Variants in FRK observed in about 807,000 individuals in gnomAD.
FRK encodes fyn related Src family tyrosine kinase, also known as tyrosine-protein kinase FRK.
In FRK, 51 loss-of-function variants were observed where a neutral mutation model predicts 56.4. That is an observed-to-expected ratio of 0.90 (90% CI 0.72 to 1.14). The LOEUF is 1.14. Among genes scored for constraint, FRK ranks in the 50% most tolerant of loss-of-function variants. The pLI is 0.00. For missense variants in FRK, 570 were observed against 601.4 expected, an observed-to-expected ratio of 0.95 and a Z score of 0.55; for synonymous variants, 245 against 217.9, an observed-to-expected ratio of 1.12 and a Z score of -1.10.
the FRK span, among the ~76,000 whole-genome samples, chr6:116,080,152 A>G: frequency 6.6e-6 from 1 of 152,074 alleles, no homozygotes; most frequent in African/African-American, 2.4e-5. Flanking sequence ...AAATCTAGGT[A>G]GAGAAAAAGC....
rs1240141905 is a variant in FRK at position 116,000,265 on chromosome 6, C to T, written c.466+3612G>A. Among the ~76,000 whole-genome samples, 16 of 50,540 alleles carry T rather than the reference C, an allele frequency of 3.2e-4. 2 individuals carry two copies. The highest frequency in any genetic ancestry group is 3.1e-3 in the Admixed American group (12 of 3,904). The allele number at this position is 50,540 out of a possible 152,430, so 33.2% of individuals were successfully genotyped here. On this transcript the variant is annotated intron_variant, in intron 2 of 7. Coordinates refer to ENST00000606080, the MANE Select transcript of FRK (RefSeq NM_002031.3). ...TTTTTTTTTTTTTTTTTTTTTGAGA[C>T]GGAGTCTCGCTCTGTCACCCAGGAT...
intron 1 of FRK, among the ~76,000 whole-genome samples, chr6:116,006,205 G>T (rs965365694): frequency 2.0e-5 from 3 of 152,076 alleles, no homozygotes; most frequent in Non-Finnish European, 4.4e-5. Context: ...ATTGGCATAG[G>T]ATATGATGAT....
At chr6:116,062,703 G>A (rs1234417054), upstream of FRK, among the ~76,000 whole-genome samples, 17 of 152,184 alleles carry the variant, frequency 1.1e-4, no homozygotes. Flanking sequence ...AAGATGTCAG[G>A]TGAGCAATGG....
the FRK span, among the ~76,000 whole-genome samples, chr6:116,070,210 C>T: frequency 6.6e-6 from 1 of 151,264 alleles, no homozygotes; most frequent in South Asian, 2.1e-4. Flanking sequence ...TCAGAAATAA[C>T]CAACCCTGTA....
Position 115,942,583 on chromosome 6 carries a change from T to C in FRK, c.1349A>G (p.Tyr450Cys), listed in dbSNP as rs751610314. 4.2e-5 allele frequency: 68 copies of C among 1,613,710 alleles called. No homozygotes were observed. Among genetic ancestry groups the C allele is most frequent in the Non-Finnish European group, 5.4e-5 (64 of 1,179,808 alleles). The change falls in exon 8 of 8, where the codon TAT (tyrosine) becomes TGT (cysteine). Residue 450 changes from tyrosine to cysteine, a missense_variant. Tyr to Cys is a radical substitution (Grantham distance 194). Transcript: ENST00000606080. ...ACAGTTGGATGGTTGCGGAAGTCTATAGTTTTGAGCCAACATCTGGATTAC... is the reference window on the plus strand; with the variant it reads ...ACAGTTGGATGGTTGCGGAAGTCTACAGTTTTGAGCCAACATCTGGATTAC... ...AQVIQMLAQN[Y>C]RLPQPSNCPQ...
At chr6:116,003,397 T>C (rs931866301) in intron 2 of FRK, among the ~76,000 whole-genome samples, 4 of 152,228 alleles carry the variant, frequency 2.6e-5, no homozygotes, top group African/African-American at 7.2e-5. Flanking sequence ...ACTTGATCCT[T>C]AAGTGAAAAA....
At chr6:115,969,221 T>C (rs556532300) in intron 2 of FRK, among the ~76,000 whole-genome samples, 1 of 152,308 alleles carries the variant, frequency 6.6e-6, no homozygotes, top group African/African-American at 2.4e-5. Context: ...CTCAATACCG[T>C]CTTACAATAA....
intron 5 of FRK, among the ~76,000 whole-genome samples, chr6:115,949,958 T>A (rs1463822959): frequency 1.3e-5 from 2 of 152,212 alleles, no homozygotes; most frequent in South Asian, 4.1e-4. Flanking sequence ...ATAAATGTTG[T>A]TGGGAAAACT....
At chr6:116,045,050 G>T (rs2114799328) in intron 1 of FRK, among the ~76,000 whole-genome samples, 1 of 152,272 alleles carries the variant, frequency 6.6e-6, no homozygotes, top group South Asian at 2.1e-4. Context: ...TCTTCAAGGA[G>T]AACTACAAAC....
At chr6:116,045,946 GA>G (rs754949911) in intron 1 of FRK, among the ~76,000 whole-genome samples, 2 of 151,786 alleles carry the variant, frequency 1.3e-5, no homozygotes, top group African/African-American at 4.8e-5. Context: ...AAATTTACAA[GA>G]AAAAAACAAA....
the FRK span, among the ~76,000 whole-genome samples, chr6:116,071,287 G>T: frequency 6.6e-6 from 1 of 152,086 alleles, no homozygotes; most frequent in Non-Finnish European, 1.5e-5. Flanking sequence ...TGTAATATGT[G>T]CTCTACTCAT....
rs1364960884 is a variant in FRK, at chr6:115,940,758, C to CA, written c.*1655dup. 3.9e-5 allele frequency: 6 copies of CA among 152,078 alleles called. No homozygotes were observed. The highest frequency in any genetic ancestry group is 7.4e-5 in the Non-Finnish European group (5 of 68,006). The allele number at this position is 152,078 out of a possible 1,614,324, so 9.4% of individuals were successfully genotyped here. ...TCATCATCTGATCATTAGAGAAATC[C>CA]AAATCAAAACCACAATGAGATACCA... is the stretch of plus-strand genomic sequence containing the variant. On this transcript the variant is annotated 3_prime_UTR_variant, in exon 8 of 8. Transcript: ENST00000606080.
At chr6:116,078,483 A>AT in the FRK span, among the ~76,000 whole-genome samples, 2 of 152,172 alleles carry the variant, frequency 1.3e-5, no homozygotes, top group African/African-American at 4.8e-5. Context: ...ATGTATGTTA[A>AT]GGGGTTGGTT....
chr6:115,943,231 T>A, intron 6 of FRK, 46 bp from the exon 7 acceptor site: 2 of 1,467,272 alleles, frequency 1.4e-6, no homozygotes, highest in South Asian at 2.7e-5. Flanking sequence ...CAATTTTTTT[T>A]TTTTTGCTAA....
chr6:116,034,537 C>G (rs1776401071), intron 1 of FRK, among the ~76,000 whole-genome samples: 1 of 152,032 alleles, frequency 6.6e-6, no homozygotes, highest in Admixed American at 6.6e-5. Context: ...GAGAATGAGT[C>G]AGCAAAATTC....
rs1251297014 is a variant in FRK at position 115,932,295 on chromosome 6, G to C, written c.*10119C>G. The C allele has an allele frequency of 2.0e-5, 3 of 152,208 alleles. No individual in the cohort carries two copies. Among genetic ancestry groups the C allele is most frequent in the Non-Finnish European group, 2.9e-5 (2 of 68,032 alleles). 9.4% of individuals were successfully genotyped at this position (152,208 alleles called of 1,614,324 possible). On this transcript the variant is annotated 3_prime_UTR_variant, in exon 8 of 8. Coordinates refer to ENST00000606080, the MANE Select transcript of FRK (RefSeq NM_002031.3). The stretch of plus-strand genomic sequence containing the variant: ...TTTAGTGGGGGAATGTAGGCAGTAA[G>C]AGGATAACACTGAAAATTAAGATAT...
At chr6:116,071,263 T>C in the FRK span, among the ~76,000 whole-genome samples, 3 of 152,332 alleles carry the variant, frequency 2.0e-5, no homozygotes, top group South Asian at 6.2e-4. Context: ...TGGTTCACTT[T>C]AGCACAGAAA....
intron 1 of FRK, among the ~76,000 whole-genome samples, chr6:116,048,853 C>T (rs1024403309): frequency 6.6e-5 from 10 of 152,182 alleles, no homozygotes; most frequent in African/African-American, 9.7e-5. Context: ...CCTTGCAGAG[C>T]TATTAGAAGG....
At chr6:115,995,857 C>G (rs1488666817) in intron 2 of FRK, among the ~76,000 whole-genome samples, 1 of 152,054 alleles carries the variant, frequency 6.6e-6, no homozygotes, top group Non-Finnish European at 1.5e-5. Flanking sequence ...TCAGAAAAGG[C>G]AGTACATACC....
Sources: allele counts gnomAD v4.1 joint callset (sites outside exome capture counted in the v4.1 genomes callset), GRCh38; gene constraint gnomAD v4.1.1; transcripts MANE v1.5; gene names NCBI Gene and HGNC (gene_info 2026-07-23, HGNC 2026-07-21).